GYG2: variants seen among roughly 807,000 people sequenced by gnomAD.
The protein encoded by GYG2 is glycogenin-2.
In GYG2, 29 loss-of-function variants were observed where a neutral mutation model predicts 29.4. The observed-to-expected ratio is 0.99, with a 90% CI of 0.74 to 1.35. The LOEUF (loss-of-function observed/expected upper bound fraction) is 1.35. Among genes scored for constraint, GYG2 ranks in the 40% most tolerant of loss-of-function variants. The pLI is 0.00. For missense variants in GYG2, 370 were observed against 385.7 expected, an observed-to-expected ratio of 0.96 and a Z score of 0.34; for synonymous variants, 167 against 172.3, an observed-to-expected ratio of 0.97 and a Z score of 0.24.
rs377682742 is a variant in GYG2, at chrX:2,861,646, C to A, written c.962C>A (p.Pro321His). ...CANSPLGSNQ[P>H]AQGLPEPTQI... ...AATTCACCACTGGGTTCTAACCAGC[C>A]TGCTCAGGGCCTTCCGGAGCCGACC... Residue 321 changes from proline (P) to histidine (H), a missense_variant, in exon 8 of 11, where the codon CCT (proline) becomes CAT (histidine). Pro to His is a moderately conservative substitution (Grantham distance 77). Coordinates refer to ENST00000398806, the MANE Select transcript of GYG2 (RefSeq NM_001079855.2). 9 of 1,205,445 alleles carry A rather than the reference C, an allele frequency of 7.5e-6. No homozygotes were observed. In the African/African-American group the frequency reaches 1.6e-4, roughly 21 times the overall value.
rs375629115 is a variant in GYG2, at chrX:2,855,172, C to T, written c.487+17C>T. On this transcript the variant is annotated intron_variant, in intron 5 of 10. Coordinates refer to ENST00000398806, the MANE Select transcript of GYG2 (RefSeq NM_001079855.2). Reference sequence around the variant, plus strand: ...GCTTTGACGGTAAGTCAGGGCAGCCCGGACGCTTAGGGTCTCTGTTGCACA... The same window carrying T: ...GCTTTGACGGTAAGTCAGGGCAGCCTGGACGCTTAGGGTCTCTGTTGCACA... The T allele has an allele frequency of 4.9e-5, 58 of 1,195,587 alleles. No individual in the cohort carries two copies. In the African/African-American group the frequency reaches 7.2e-4, roughly 15 times the overall value.
intron 8 of GYG2, among the ~76,000 whole-genome samples, chrX:2,867,530 C>T (rs927686755): frequency 3.6e-5 from 4 of 111,406 alleles, no homozygotes; most frequent in African/African-American, 9.8e-5. Flanking sequence ...CAGACTTGGA[C>T]GCTGAAATGT....
chrX:2,870,697 C>T (rs979933714), intron 8 of GYG2, among the ~76,000 whole-genome samples: 9 of 112,324 alleles, frequency 8.0e-5, no homozygotes, highest in African/African-American at 2.3e-4. Flanking sequence ...TTCAAATTAA[C>T]ATCAGATTTT....
rs184061830 is a variant in GYG2, at chrX:2,863,909, C to G, written c.1038+2187C>G. ...GGCTGCAATTGTGCTGAGCCATGCT[C>G]GTTTCAGGATGTCTAAGGAAAAATC... On this transcript the variant is annotated intron_variant, in intron 8 of 10. Transcript: ENST00000398806. 1.1e-3 allele frequency among the ~76,000 whole-genome samples: 120 copies of G among 111,290 alleles called. 1 individual carries two copies. Among genetic ancestry groups the G allele is most frequent in the African/African-American group, 3.8e-3 (116 of 30,689 alleles).
At chrX:2,839,579 A>G (rs2087450411) in intron 2 of GYG2, among the ~76,000 whole-genome samples, 1 of 111,371 alleles carries the variant, frequency 9.0e-6, no homozygotes, top group African/African-American at 3.3e-5. Context: ...GCAAATCCAC[A>G]GAGATAAAAA....
Position 2,875,877 on chromosome X carries a change from C to T in GYG2, c.1106C>T (p.Pro369Leu). 8.4e-7 allele frequency: 1 copy of T among 1,187,687 alleles called. No individual in the cohort carries two copies. The highest frequency in any genetic ancestry group is 1.1e-6 in the Non-Finnish European group (1 of 874,143). ...TGTGACCCACTGTCCCAGCCTTCCC[C>T]TCAGCCTGCAGACTTCACAGAGACT... ...ITCDPLSQPS[P>L]QPADFTETET... is the part of the protein sequence containing the mutation. Residue 369 changes from proline to leucine, a missense_variant, in exon 9 of 11, where the codon CCT becomes CTT. By Grantham distance (98) the Pro-to-Leu change is moderately conservative (BLOSUM62 -3). Coordinates refer to ENST00000398806, the MANE Select transcript of GYG2 (RefSeq NM_001079855.2).
chrX:2,877,178 T>C, intron 9 of GYG2, 22 bp from the exon 10 acceptor site: 1 of 1,205,352 alleles, frequency 8.3e-7, no homozygotes, highest in Non-Finnish European at 1.1e-6. Context: ...CGCAGACTAA[T>C]GATGGAATGG....
intron 8 of GYG2, among the ~76,000 whole-genome samples, chrX:2,867,556 G>C (rs1261758757): frequency 9.0e-6 from 1 of 111,364 alleles, no homozygotes; most frequent in Non-Finnish European, 1.9e-5. Flanking sequence ...TACAGCCGGA[G>C]GGGGGACGCC....
intron 2 of GYG2, among the ~76,000 whole-genome samples, chrX:2,841,867 T>C (rs2087509830): frequency 8.9e-6 from 1 of 112,042 alleles, no homozygotes; most frequent in Non-Finnish European, 1.9e-5. Context: ...CTGTTGTCTT[T>C]CTCCTGGCAA....
intron 3 of GYG2, among the ~76,000 whole-genome samples, chrX:2,850,697 C>T (rs138502297): frequency 0.048 from 5,350 of 111,078 alleles, 318 homozygotes; most frequent in African/African-American, 0.17. Context: ...TCTCCTGGCT[C>T]ATCCTGGCTC....
intron 8 of GYG2, among the ~76,000 whole-genome samples, chrX:2,869,622 G>T (rs1029034718): frequency 8.9e-6 from 1 of 112,177 alleles, no homozygotes; most frequent in East Asian, 2.8e-4. Flanking sequence ...TATAATGATG[G>T]CAAGGTTGAC....
Position 2,855,131 on chromosome X carries a change from G to A in GYG2, c.463G>A (p.Ala155Thr), listed in dbSNP as rs377090556. The change falls in exon 5 of 11, where the codon GCC becomes ACC. Residue 155 changes from alanine (A) to threonine (T), a missense_variant. Transcript: ENST00000398806. Reference protein sequence around the residue: ...LHTHKLLLQHAMEHGSFDGAD... With the variant: ...LHTHKLLLQHTMEHGSFDGAD... ...CACGCATAAACTCCTGCTACAGCACGCCATGGAACACGGCAGCTTTGACGG... is the reference window on the plus strand; with the variant it reads ...CACGCATAAACTCCTGCTACAGCACACCATGGAACACGGCAGCTTTGACGG... The A allele has an allele frequency of 5.8e-6, 7 of 1,209,592 alleles. No individual in the cohort carries two copies. The highest frequency in any genetic ancestry group is 5.6e-6 in the Non-Finnish European group (5 of 894,764).
chrX:2,867,483 A>G (rs2088325659), intron 8 of GYG2, among the ~76,000 whole-genome samples: 1 of 111,588 alleles, frequency 9.0e-6, no homozygotes. Context: ...CCCCAGGCAC[A>G]GCGTGAAGGG....
intron 2 of GYG2, among the ~76,000 whole-genome samples, chrX:2,841,429 C>T (rs1434309281): frequency 3.8e-5 from 4 of 106,043 alleles, no homozygotes; most frequent in Admixed American, 1.0e-4. Context: ...GATGGATGGA[C>T]GGATGGATGG....
intron 8 of GYG2, among the ~76,000 whole-genome samples, chrX:2,868,904 C>T (rs1317369601): frequency 9.0e-6 from 1 of 110,747 alleles, no homozygotes; most frequent in African/African-American, 3.3e-5. Context: ...ATATTACGGT[C>T]ACATTTTCCA....
intron 3 of GYG2, among the ~76,000 whole-genome samples, chrX:2,851,279 T>C (rs2087866069): frequency 9.0e-6 from 1 of 111,713 alleles, no homozygotes; most frequent in African/African-American, 3.3e-5. Context: ...AGAGCCTCGC[T>C]CTGTCGCCCA....
At chrX:2,840,832 T>C (rs752164454) in intron 2 of GYG2, among the ~76,000 whole-genome samples, 8 of 110,971 alleles carry the variant, frequency 7.2e-5, no homozygotes, top group African/African-American at 2.6e-4. Flanking sequence ...ATGGATTAGA[T>C]AGCTAGATAG....
intron 2 of GYG2, among the ~76,000 whole-genome samples, chrX:2,833,575 T>A (rs2087312060): frequency 9.0e-6 from 1 of 111,571 alleles, no homozygotes; most frequent in Non-Finnish European, 1.9e-5. Context: ...CCAGCGCACA[T>A]CGTTATCAAT....
intron 2 of GYG2, among the ~76,000 whole-genome samples, chrX:2,840,987 G>C (rs1438403840): frequency 1.2e-5 from 1 of 85,561 alleles, no homozygotes; most frequent in Non-Finnish European, 2.4e-5. Flanking sequence ...ATATATGATA[G>C]ATAGATGAAT....
Sources: gnomAD v4.1 joint callset for allele counts (sites outside exome capture counted in the v4.1 genomes callset) on GRCh38, gnomAD v4.1.1 for gene constraint, MANE v1.5 for transcripts, NCBI Gene and HGNC (gene_info 2026-07-23, HGNC 2026-07-21) for gene names.